The following PCDHA12 variants were observed in gnomAD, a reference collection of about 807,000 sequenced individuals.
PCDHA12 encodes protocadherin alpha 12, also known as protocadherin alpha-12.
Under a neutral mutation model 60.0 loss-of-function variants are expected in PCDHA12, and 44 were observed. The observed-to-expected ratio is 0.73, with a 90% CI of 0.58 to 0.94. The LOEUF (loss-of-function observed/expected upper bound fraction) is 0.94, where lower values mean the gene tolerates loss of function less well. PCDHA12 is among the 40% of genes least tolerant of loss of function. The pLI is 0.00. For missense variants in PCDHA12, 1,276 were observed against 1,239.7 expected (o/e 1.03, Z -0.44); for synonymous variants, 569 against 553.0 (o/e 1.03, Z -0.40).
At chr5:140,879,137 G>A (rs1313863348) in intron 1 of PCDHA12, among the ~76,000 whole-genome samples, 2 of 152,210 alleles carry the variant, frequency 1.3e-5, no homozygotes, top group Non-Finnish European at 2.9e-5. Context: ...GGGAGATTGT[G>A]AAGGCAGGAA....
Position 140,927,380 on chromosome 5 carries a change from T to A in PCDHA12, c.2367+49541T>A, listed in dbSNP as rs1245076146. 1 of 1,614,198 alleles carries A rather than the reference T, an allele frequency of 6.2e-7. No individual in the cohort carries two copies. Among genetic ancestry groups the A allele is most frequent in the African/African-American group, 1.3e-5 (1 of 75,060 alleles). On this transcript the variant is annotated intron_variant, in intron 1 of 3. Transcript: ENST00000398631. ...AGCAATGGGATACTAAGCTACAGCCTAAGCCCCAGTCAGCACTTTCGCCTG... is the reference window on the plus strand; with the variant it reads ...AGCAATGGGATACTAAGCTACAGCCAAAGCCCCAGTCAGCACTTTCGCCTG...
intron 3 of PCDHA12, among the ~76,000 whole-genome samples, chr5:140,987,510 C>A (rs1225122300): frequency 6.6e-6 from 1 of 152,184 alleles, no homozygotes; most frequent in Non-Finnish European, 1.5e-5. Flanking sequence ...ACCTCTGCCA[C>A]TCAGTAATTG....
intron 3 of PCDHA12, among the ~76,000 whole-genome samples, chr5:140,992,876 A>G (rs1370116402): frequency 6.6e-6 from 1 of 152,178 alleles, no homozygotes; most frequent in Admixed American, 6.5e-5. Flanking sequence ...CCTCCTTGAT[A>G]TTCTAAACAA....
chr5:140,882,775 C>G, intron 1 of PCDHA12: 10 of 1,614,220 alleles, frequency 6.2e-6, no homozygotes, highest in Non-Finnish European at 8.5e-6. Flanking sequence ...CGGCATTGAC[C>G]TACCGACTGG....
At chr5:140,912,806 T>TA (rs1378576653) in intron 1 of PCDHA12, among the ~76,000 whole-genome samples, 2 of 152,232 alleles carry the variant, frequency 1.3e-5, no homozygotes, top group African/African-American at 4.8e-5. Context: ...TGAGGGTTTT[T>TA]ATCATAAAGG....
intron 3 of PCDHA12, among the ~76,000 whole-genome samples, chr5:140,985,060 C>A (rs1377386395): frequency 6.6e-6 from 1 of 152,066 alleles, no homozygotes; most frequent in Admixed American, 6.5e-5. Flanking sequence ...GCCTCAGCCT[C>A]CTGAGTAGCT....
At chr5:140,883,987 G>C (rs782597930) in intron 1 of PCDHA12, 4 of 1,612,956 alleles carry the variant, frequency 2.5e-6, no homozygotes, top group Admixed American at 1.7e-5. Context: ...CTGGCAGCGC[G>C]GGAGGCACAG....
intron 1 of PCDHA12, among the ~76,000 whole-genome samples, chr5:140,963,912 A>C (rs2095797972): frequency 6.6e-6 from 1 of 152,246 alleles, no homozygotes. Flanking sequence ...AGTGAAGCTT[A>C]GGCTAAGTAA....
chr5:140,875,352 T>C lies in PCDHA12; in HGVS notation c.-121T>C, dbSNP rs563345056. ...AATAGGATCGACTCCATAATGACTGTGATGCTGGAAAAAATTTACTAAATA... is the reference window on the plus strand; with the variant it reads ...AATAGGATCGACTCCATAATGACTGCGATGCTGGAAAAAATTTACTAAATA... On this transcript the variant is annotated 5_prime_UTR_variant, in exon 1 of 4. Transcript: ENST00000398631. 15 of 1,445,236 alleles carry C rather than the reference T, an allele frequency of 1.0e-5. No individual in the cohort carries two copies. In the African/African-American group the frequency reaches 1.9e-4, roughly 18 times the overall value. The allele number at this position is 1,445,236 out of a possible 1,614,324, so 89.5% of individuals were successfully genotyped here.
chr5:140,964,596 G>A (rs1368654948), intron 1 of PCDHA12, among the ~76,000 whole-genome samples: 2 of 152,104 alleles, frequency 1.3e-5, no homozygotes, highest in African/African-American at 4.8e-5. Flanking sequence ...CACTTTTCAT[G>A]ACAACTTACA....
chr5:140,967,251 CG>C, intron 1 of PCDHA12: 1 of 1,613,410 alleles, frequency 6.2e-7, no homozygotes, highest in Non-Finnish European at 8.5e-7. Flanking sequence ...GAATCGGTGG[CG>C]CCTGGAGCGC....
chr5:140,888,047 G>C (rs1246901863), intron 1 of PCDHA12, among the ~76,000 whole-genome samples: 12 of 152,092 alleles, frequency 7.9e-5, no homozygotes, highest in African/African-American at 2.9e-4. Flanking sequence ...ATGTATAATA[G>C]ATGTTTTAAC....
chr5:140,968,761 T>C (rs782432205), intron 1 of PCDHA12: 1 of 1,614,140 alleles, frequency 6.2e-7, no homozygotes, highest in South Asian at 1.1e-5. Flanking sequence ...TCCGAGATAA[T>C]GGAGAGCCAT....
chr5:140,938,616 A>G (rs1366566018), intron 1 of PCDHA12, among the ~76,000 whole-genome samples: 1 of 152,130 alleles, frequency 6.6e-6, no homozygotes, highest in Non-Finnish European at 1.5e-5. Flanking sequence ...TCTTGGAATA[A>G]ACTCAGGTTG....
intron 1 of PCDHA12, among the ~76,000 whole-genome samples, chr5:140,956,034 A>C (rs1274584028): frequency 1.3e-5 from 2 of 152,200 alleles, no homozygotes; most frequent in Non-Finnish European, 2.9e-5. Flanking sequence ...TTATCAGCTT[A>C]AGAAGCTTTT....
intron 1 of PCDHA12, among the ~76,000 whole-genome samples, chr5:140,976,868 CAAAG>C (rs1397427113): frequency 6.6e-5 from 10 of 152,120 alleles, no homozygotes; most frequent in African/African-American, 1.2e-4. Flanking sequence ...TACTGTCTGA[CAAAG>C]AAAGAATTAG....
At chr5:140,879,844 C>A (rs1333807567) in intron 1 of PCDHA12, among the ~76,000 whole-genome samples, 1 of 152,194 alleles carries the variant, frequency 6.6e-6, no homozygotes, top group East Asian at 1.9e-4. Context: ...CTGTACCACT[C>A]CCATCTCAGC....
At chr5:140,933,988 G>C (rs1156532752) in intron 1 of PCDHA12, among the ~76,000 whole-genome samples, 1 of 151,832 alleles carries the variant, frequency 6.6e-6, no homozygotes, top group Non-Finnish European at 1.5e-5. Context: ...CCTGGTGTTA[G>C]TGTCACCTCT....
Position 140,968,830 on chromosome 5 carries a change from C to T in PCDHA12, c.2368-10119C>T, listed in dbSNP as rs782771762. On this transcript the variant is annotated intron_variant, in intron 1 of 3. Coordinates refer to ENST00000398631, the MANE Select transcript of PCDHA12 (RefSeq NM_018903.4). The stretch of plus-strand genomic sequence containing the variant: ...TGGTGGATAGGGTTTCCAAAATCCT[C>T]CCTGACACTCAGAGGCATGTTAAGA... 48 of 1,614,080 alleles carry T rather than the reference C, an allele frequency of 3.0e-5. No homozygotes were observed. The Admixed American group carries it at 8.0e-4, about 27-fold the overall frequency.
Sources: allele counts gnomAD v4.1 joint callset (sites outside exome capture counted in the v4.1 genomes callset), GRCh38; gene constraint gnomAD v4.1.1; transcripts MANE v1.5; gene names NCBI Gene and HGNC (gene_info 2026-07-23, HGNC 2026-07-21).